Variants in NOX4 observed in about 807,000 individuals in gnomAD.
NOX4 encodes the protein kidney oxidase-1.
Under a neutral mutation model 87.6 loss-of-function variants are expected in NOX4, and 69 were observed. The observed-to-expected ratio is 0.79, with a 90% CI of 0.65 to 0.96. The LOEUF (loss-of-function observed/expected upper bound fraction) is 0.96. Among genes scored for constraint, NOX4 ranks in the 40% least tolerant of loss-of-function variants. The probability of loss-of-function intolerance (pLI) is 0.00; values close to 1 mark genes in which losing one functional copy is unlikely to be tolerated. For synonymous variants in NOX4, 275 were observed against 238.2 expected (o/e 1.15, Z -1.42); for missense variants, 680 against 681.5 (o/e 1.00, Z 0.02).
At chr11:89,338,461 A>G (rs925894785) in intron 15 of NOX4, among the ~76,000 whole-genome samples, 2 of 152,220 alleles carry the variant, frequency 1.3e-5, no homozygotes, top group African/African-American at 4.8e-5. Context: ...TGGCATACAA[A>G]TATCTGTCCA....
At chr11:89,397,932 T>C (rs1162795304) in intron 11 of NOX4, among the ~76,000 whole-genome samples, 1 of 151,546 alleles carries the variant, frequency 6.6e-6, no homozygotes, top group African/African-American at 2.4e-5. Context: ...TTCCAATCAA[T>C]AGAAAAAGAG....
chr11:89,410,419 C>G (rs1338996053), intron 8 of NOX4, among the ~76,000 whole-genome samples: 2 of 152,178 alleles, frequency 1.3e-5, no homozygotes, highest in Non-Finnish European at 2.9e-5. Context: ...TGCAATTCAG[C>G]TTCATCCAGT....
intron 11 of NOX4, among the ~76,000 whole-genome samples, chr11:89,386,164 A>T (rs1293615743): frequency 6.6e-6 from 1 of 152,142 alleles, no homozygotes; most frequent in Non-Finnish European, 1.5e-5. Context: ...TACAGGGTAT[A>T]GCCTATTTGA....
At chr11:89,583,033 T>C in the NOX4 span, among the ~76,000 whole-genome samples, 2 of 152,202 alleles carry the variant, frequency 1.3e-5, no homozygotes, top group Admixed American at 1.3e-4. Flanking sequence ...AACATTAAAA[T>C]AATCTACATT....
the NOX4 span, among the ~76,000 whole-genome samples, chr11:89,575,966 A>C: frequency 2.6e-5 from 4 of 152,340 alleles, no homozygotes; most frequent in East Asian, 5.8e-4. Flanking sequence ...TAGTTATAAC[A>C]GTCCATAAGT....
chr11:89,349,881 C>T (rs1946384383), intron 13 of NOX4, among the ~76,000 whole-genome samples: 1 of 152,100 alleles, frequency 6.6e-6, no homozygotes. Context: ...TTTACATGTC[C>T]AAGCTGTATT....
chr11:89,573,236 CT>C, the NOX4 span, among the ~76,000 whole-genome samples: 7 of 152,124 alleles, frequency 4.6e-5, no homozygotes, highest in African/African-American at 1.7e-4. Context: ...TTTAACCCAA[CT>C]TTAAGAACTG....
At chr11:89,383,895 C>T (rs1424588183) in intron 11 of NOX4, among the ~76,000 whole-genome samples, 1 of 152,084 alleles carries the variant, frequency 6.6e-6, no homozygotes, top group African/African-American at 2.4e-5. Flanking sequence ...AACTCTACTC[C>T]CTCCTTGGGG....
the NOX4 span, among the ~76,000 whole-genome samples, chr11:89,503,705 A>G: frequency 1.3e-5 from 2 of 151,238 alleles, no homozygotes; most frequent in African/African-American, 2.4e-5. Context: ...TTAAGCTTCA[A>G]ATTCTGAATG....
chr11:89,373,804 A>C (rs760629348), intron 11 of NOX4, among the ~76,000 whole-genome samples: 1 of 152,096 alleles, frequency 6.6e-6, no homozygotes, highest in South Asian at 2.1e-4. Flanking sequence ...AAATATATAT[A>C]AGAAAAGCCA....
At chr11:89,557,005 T>C in the NOX4 span, 4 of 152,166 alleles carry the variant, frequency 2.6e-5, no homozygotes, top group Non-Finnish European at 5.9e-5. Flanking sequence ...TGACAACCAG[T>C]AGCTCTCTAG....
At chr11:89,360,382 A>G (rs1277678102) in intron 12 of NOX4, among the ~76,000 whole-genome samples, 1 of 152,126 alleles carries the variant, frequency 6.6e-6, no homozygotes, top group Non-Finnish European at 1.5e-5. Context: ...TGAGGTGATA[A>G]ATACGTTAAT....
intron 12 of NOX4, among the ~76,000 whole-genome samples, chr11:89,366,371 T>C (rs1938984890): frequency 6.6e-6 from 1 of 152,054 alleles, no homozygotes; most frequent in Non-Finnish European, 1.5e-5. Context: ...ATTTGTTTAT[T>C]TTCAAAACTA....
chr11:89,578,049 G>A, the NOX4 span, among the ~76,000 whole-genome samples: 37 of 152,168 alleles, frequency 2.4e-4, no homozygotes, highest in African/African-American at 7.5e-4. Context: ...GCCCTAGGAG[G>A]TGAGTTTTTG....
intron 1 of NOX4, among the ~76,000 whole-genome samples, chr11:89,497,343 A>G (rs1946968041): frequency 6.6e-6 from 1 of 152,196 alleles, no homozygotes; most frequent in African/African-American, 2.4e-5. Flanking sequence ...ACCCGAATCC[A>G]TGTTTTCTGG....
chr11:89,397,281 A>C (rs1941556810), intron 11 of NOX4, among the ~76,000 whole-genome samples: 1 of 152,218 alleles, frequency 6.6e-6, no homozygotes, highest in South Asian at 2.1e-4. Flanking sequence ...GAGAACAAAG[A>C]CACAATATAC....
chr11:89,509,954 T>C, the NOX4 span, among the ~76,000 whole-genome samples: 1 of 152,016 alleles, frequency 6.6e-6, no homozygotes, highest in Non-Finnish European at 1.5e-5. Context: ...CGGGTAATGA[T>C]GGGTAGTAGG....
intron 8 of NOX4, among the ~76,000 whole-genome samples, chr11:89,415,542 T>C (rs1942718505): frequency 6.6e-6 from 1 of 152,120 alleles, no homozygotes; most frequent in Non-Finnish European, 1.5e-5. Flanking sequence ...CTAATGAAAG[T>C]TGAGAAACTT....
chr11:89,370,276 C>T (rs1939345904), intron 12 of NOX4, among the ~76,000 whole-genome samples: 2 of 151,992 alleles, frequency 1.3e-5, no homozygotes, highest in African/African-American at 4.8e-5. Context: ...GTGATACATG[C>T]TACAAGTCCT....
Sources: gnomAD v4.1 joint callset for allele counts (sites outside exome capture counted in the v4.1 genomes callset) on GRCh38, gnomAD v4.1.1 for gene constraint, MANE v1.5 for transcripts, NCBI Gene and HGNC (gene_info 2026-07-23, HGNC 2026-07-21) for gene names.